SYN3: variants seen among roughly 807,000 people sequenced by gnomAD.
SYN3 encodes the protein synapsin-3.
SYN3 carries 35 observed loss-of-function variants against 65.8 expected under a neutral mutation model. The ratio of observed to expected loss-of-function variants is 0.53; its 90% CI spans 0.41 to 0.70. The LOEUF (loss-of-function observed/expected upper bound fraction) is 0.70. Among genes scored for constraint, SYN3 ranks in the 30% least tolerant of loss-of-function variants. SYN3 has a pLI of 0.00. For missense variants in SYN3, 680 were observed against 749.0 expected, an observed-to-expected ratio of 0.91 and a Z score of 1.08; for synonymous variants, 270 against 292.9, an observed-to-expected ratio of 0.92 and a Z score of 0.80.
At position 32,556,225 on chromosome 22, in the gene SYN3, G is replaced by A. The variant is rs189185792; in HGVS notation, c.775-14512C>T. 1.6e-4 allele frequency among the ~76,000 whole-genome samples: 25 copies of A among 152,214 alleles called. No individual in the cohort carries two copies. The South Asian group carries it at 1.7e-3, about 10-fold the overall frequency. ...TTAGTAACCATTTGAAAAAAAGTAC[G>A]GAATGTTTTTATTTCATTCCTAAAT... On this transcript the variant is annotated intron_variant, in intron 7 of 13. Transcript: ENST00000358763.
At chr22:32,904,884 A>G (rs1350460879) in intron 4 of SYN3, among the ~76,000 whole-genome samples, 2 of 152,214 alleles carry the variant, frequency 1.3e-5, no homozygotes, top group Admixed American at 6.5e-5. Context: ...CATTCTTTGC[A>G]TGCAATGAAT....
At chr22:32,608,790 C>T (rs777622064) in intron 6 of SYN3, among the ~76,000 whole-genome samples, 2 of 152,088 alleles carry the variant, frequency 1.3e-5, no homozygotes, top group Admixed American at 6.6e-5. Flanking sequence ...CCAAAATCGA[C>T]GTTGTTGTGA....
intron 7 of SYN3, among the ~76,000 whole-genome samples, chr22:32,553,634 T>C (rs1453685409): frequency 6.6e-6 from 1 of 152,170 alleles, no homozygotes; most frequent in Non-Finnish European, 1.5e-5. Flanking sequence ...ATAACAAGGT[T>C]AGGTTGCTGG....
chr22:32,881,735 GT>G (rs914977166), intron 4 of SYN3, among the ~76,000 whole-genome samples: 106 of 151,420 alleles, frequency 7.0e-4, no homozygotes, highest in Non-Finnish European at 1.1e-3. Flanking sequence ...TTTGATAGTT[GT>G]TTTTTTTTAA....
chr22:32,834,380 C>T (rs1827370143), intron 6 of SYN3, among the ~76,000 whole-genome samples: 2 of 151,820 alleles, frequency 1.3e-5, no homozygotes, highest in Non-Finnish European at 2.9e-5. Flanking sequence ...CCAGGCTGGT[C>T]TCAAACTCCT....
At chr22:32,714,706 C>A (rs547680424) in intron 6 of SYN3, among the ~76,000 whole-genome samples, 1 of 152,228 alleles carries the variant, frequency 6.6e-6, no homozygotes, top group South Asian at 2.1e-4. Context: ...TGCCACCCCA[C>A]TAGACATTAT....
intron 7 of SYN3, among the ~76,000 whole-genome samples, chr22:32,559,550 C>G (rs1219380901): frequency 6.6e-6 from 1 of 152,170 alleles, no homozygotes; most frequent in African/African-American, 2.4e-5. Flanking sequence ...AAACCTTGGC[C>G]GGGCGCGGTG....
intron 8 of SYN3, among the ~76,000 whole-genome samples, chr22:32,541,007 CT>C (rs1456848172): frequency 6.6e-6 from 1 of 152,116 alleles, no homozygotes; most frequent in Non-Finnish European, 1.5e-5. Context: ...TTTTTGTTTG[CT>C]TTTTTAAAGT....
At chr22:32,604,078 T>A (rs2059327793) in intron 6 of SYN3, among the ~76,000 whole-genome samples, 1 of 152,196 alleles carries the variant, frequency 6.6e-6, no homozygotes, top group Non-Finnish European at 1.5e-5. Context: ...GCATCCTCAA[T>A]CCACAGAGTC....
chr22:32,835,203 CT>C (rs1712399508), intron 6 of SYN3, among the ~76,000 whole-genome samples: 1 of 152,168 alleles, frequency 6.6e-6, no homozygotes. Context: ...ATACACTCTT[CT>C]TAGGAAGCAA....
Position 32,862,301 on chromosome 22 carries a change from T to C in SYN3, c.711+2614A>G, listed in dbSNP as rs1065314. On this transcript the variant is annotated intron_variant, in intron 6 of 13. Transcript: ENST00000358763. ...CTGCCTCCCAATCAAGGAAGCTCCA[T>C]GCTCAGGCTCTCAGCTCTCGGGCCA... 42,708 of 152,158 alleles carry C rather than the reference T, an allele frequency of 0.28. 6,215 individuals carry two copies. The highest frequency in any genetic ancestry group is 0.34 in the African/African-American group (14,010 of 41,478). The allele number at this position is 152,158 out of a possible 1,614,324, so 9.4% of individuals were successfully genotyped here.
intron 6 of SYN3, among the ~76,000 whole-genome samples, chr22:32,842,893 G>A (rs980904077): frequency 2.6e-5 from 4 of 152,182 alleles, no homozygotes; most frequent in African/African-American, 9.7e-5. Context: ...AGGGTGGTGG[G>A]TGGGTGATCA....
At chr22:32,916,681 C>T (rs1314343408) in intron 4 of SYN3, among the ~76,000 whole-genome samples, 1 of 152,132 alleles carries the variant, frequency 6.6e-6, no homozygotes, top group African/African-American at 2.4e-5. Flanking sequence ...AGCTTGAAAA[C>T]ATGCAAACTC....
chr22:33,029,040 A>C (rs899926184), intron 1 of SYN3, among the ~76,000 whole-genome samples: 24 of 141,826 alleles, frequency 1.7e-4, no homozygotes, highest in Admixed American at 5.6e-4. Context: ...ACTCTGTCTC[A>C]AAAAAAAAAA....
At chr22:32,905,778 C>T (rs1285916971) in intron 4 of SYN3, among the ~76,000 whole-genome samples, 2 of 152,164 alleles carry the variant, frequency 1.3e-5, no homozygotes, top group Non-Finnish European at 2.9e-5. Flanking sequence ...GCAGCTCTGG[C>T]CTGAGATTCA....
chr22:32,868,396 G>C (rs1448562125), intron 5 of SYN3, among the ~76,000 whole-genome samples: 1 of 151,028 alleles, frequency 6.6e-6, no homozygotes, highest in East Asian at 1.9e-4. Context: ...CATGTAACAT[G>C]TATAATATAT....
At chr22:32,836,696 G>A (rs996142541) in intron 6 of SYN3, among the ~76,000 whole-genome samples, 3 of 152,180 alleles carry the variant, frequency 2.0e-5, no homozygotes, top group African/African-American at 7.2e-5. Flanking sequence ...GGTGCTGAGT[G>A]AGTAGGGGAC....
chr22:33,028,153 G>A (rs2053670107), intron 1 of SYN3, among the ~76,000 whole-genome samples: 1 of 152,148 alleles, frequency 6.6e-6, no homozygotes. Flanking sequence ...CAAGGACAGA[G>A]CAGAGAGGAA....
At chr22:32,960,304 C>T (rs1445267051) in intron 3 of SYN3, among the ~76,000 whole-genome samples, 2 of 152,184 alleles carry the variant, frequency 1.3e-5, no homozygotes, top group Non-Finnish European at 2.9e-5. Flanking sequence ...CCTGATCACC[C>T]CAGGGATAGG....
Sources: allele counts gnomAD v4.1 joint callset (sites outside exome capture counted in the v4.1 genomes callset), GRCh38; gene constraint gnomAD v4.1.1; transcripts MANE v1.5; gene names NCBI Gene and HGNC (gene_info 2026-07-23, HGNC 2026-07-21).